Variants in PCDH9 observed in about 807,000 individuals in gnomAD.
PCDH9 encodes the protein protocadherin 9, also known as protocadherin-9.
Under a neutral mutation model 70.6 loss-of-function variants are expected in PCDH9, and 24 were observed. That is an observed-to-expected ratio of 0.34 (90% CI 0.25 to 0.48). PCDH9 has a LOEUF of 0.48. Among genes scored for constraint, PCDH9 ranks in the 20% least tolerant of loss-of-function variants. The pLI is 0.99. For synonymous variants in PCDH9, 562 were observed against 558.5 expected, an observed-to-expected ratio of 1.01 and a Z score of -0.09; for missense variants, 1,281 against 1,503.6, an observed-to-expected ratio of 0.85 and a Z score of 2.45.
intron 3 of PCDH9, among the ~76,000 whole-genome samples, chr13:66,898,174 T>C (rs530653148): frequency 1.3e-5 from 2 of 152,210 alleles, no homozygotes; most frequent in South Asian, 4.1e-4. Context: ...ATCATTTTTC[T>C]TAATTTATTG....
intron 3 of PCDH9, among the ~76,000 whole-genome samples, chr13:66,799,973 T>C (rs987452996): frequency 2.6e-5 from 4 of 152,166 alleles, no homozygotes; most frequent in African/African-American, 9.7e-5. Context: ...CTAGCTTCTC[T>C]ACCTGCTTCC....
intron 3 of PCDH9, among the ~76,000 whole-genome samples, chr13:66,733,854 TGAAA>T (rs1407726656): frequency 6.6e-6 from 1 of 152,172 alleles, no homozygotes; most frequent in Non-Finnish European, 1.5e-5. Context: ...TGAGTTCTTA[TGAAA>T]TAACAATGCA....
At chr13:66,960,616 C>A (rs553132132) in intron 2 of PCDH9, among the ~76,000 whole-genome samples, 225 of 152,240 alleles carry the variant, frequency 1.5e-3, no homozygotes, top group Admixed American at 4.1e-3. Flanking sequence ...AATAACTTTT[C>A]TTTACAAACT....
chr13:66,702,867 T>C (rs1428585379), intron 3 of PCDH9, among the ~76,000 whole-genome samples: 1 of 152,208 alleles, frequency 6.6e-6, no homozygotes, highest in Non-Finnish European at 1.5e-5. Flanking sequence ...TATGGAAGTT[T>C]TATTTGAATG....
chr13:66,641,527 C>T lies in PCDH9; in HGVS notation c.3139-10116G>A, dbSNP rs558087312. The stretch of plus-strand genomic sequence containing the variant: ...TGACAATGAGACTATTGACAAATTA[C>T]CGCATTCTCTCCTCCAGGCTCTACT... On this transcript the variant is annotated intron_variant, in intron 3 of 4. Transcript: ENST00000377865. 6.9e-4 allele frequency among the ~76,000 whole-genome samples: 105 copies of T among 152,252 alleles called. 1 individual carries two copies. Among genetic ancestry groups the T allele is most frequent in the Non-Finnish European group, 1.4e-3 (95 of 67,994 alleles).
At chr13:66,361,772 G>A (rs1482595373) in intron 4 of PCDH9, among the ~76,000 whole-genome samples, 1 of 151,974 alleles carries the variant, frequency 6.6e-6, no homozygotes, top group East Asian at 1.9e-4. Flanking sequence ...TTTTCAAAGC[G>A]GTATATGTTA....
chr13:66,933,955 A>G (rs1161877701), intron 2 of PCDH9, among the ~76,000 whole-genome samples: 1 of 151,956 alleles, frequency 6.6e-6, no homozygotes, highest in Non-Finnish European at 1.5e-5. Context: ...CTAAAAGAAG[A>G]CAAAGATCTA....
intron 2 of PCDH9, among the ~76,000 whole-genome samples, chr13:66,915,452 T>A (rs1282378178): frequency 6.6e-6 from 1 of 151,614 alleles, no homozygotes; most frequent in African/African-American, 2.4e-5. Context: ...ACATAGGTAT[T>A]TTTTTCTTAT....
intron 2 of PCDH9, among the ~76,000 whole-genome samples, chr13:67,031,424 G>A (rs889562183): frequency 6.6e-6 from 1 of 152,032 alleles, no homozygotes; most frequent in Admixed American, 6.6e-5. Flanking sequence ...AATTATACAG[G>A]CCAGGCGAGG....
intron 4 of PCDH9, among the ~76,000 whole-genome samples, chr13:66,628,589 C>A (rs2077528834): frequency 6.6e-6 from 1 of 152,202 alleles, no homozygotes; most frequent in Admixed American, 6.5e-5. Context: ...GCTGCCCAGA[C>A]TCCTGGTCTC....
At chr13:67,012,079 C>T (rs1197756060) in intron 2 of PCDH9, among the ~76,000 whole-genome samples, 4 of 151,810 alleles carry the variant, frequency 2.6e-5, no homozygotes, top group African/African-American at 4.8e-5. Flanking sequence ...TTGCTTCCTG[C>T]CTTCCTTCCT....
intron 3 of PCDH9, among the ~76,000 whole-genome samples, chr13:66,834,389 G>A (rs1594123261): frequency 3.3e-5 from 5 of 152,022 alleles, no homozygotes; most frequent in Middle Eastern, 3.4e-3. Context: ...TGATCCACCC[G>A]CCTCGGCCTC....
chr13:67,228,470 T>C lies in PCDH9; in HGVS notation c.-30A>G. On this transcript the variant is annotated 5_prime_UTR_variant, in exon 2 of 5. Transcript: ENST00000377865. ...ATGTATTTATTTTCTTTTCCTGGAT[T>C]TTAGGGTTTAAAGGTTTCCACTGAG... 1 of 1,525,636 alleles carries C rather than the reference T, an allele frequency of 6.6e-7. No homozygotes were observed. Among genetic ancestry groups the C allele is most frequent in the Non-Finnish European group, 8.8e-7 (1 of 1,138,736 alleles). 94.5% of individuals were successfully genotyped at this position (1,525,636 alleles called of 1,614,324 possible).
At chr13:66,503,957 AC>A (rs769520441) in intron 4 of PCDH9, among the ~76,000 whole-genome samples, 2 of 152,150 alleles carry the variant, frequency 1.3e-5, no homozygotes, top group Non-Finnish European at 2.9e-5. Flanking sequence ...CAGGCACAAG[AC>A]CCAGAAGTCA....
intron 2 of PCDH9, among the ~76,000 whole-genome samples, chr13:67,052,624 T>C (rs999087463): frequency 1.3e-5 from 2 of 150,580 alleles, no homozygotes; most frequent in Non-Finnish European, 1.5e-5. Context: ...AAGAAGAAGG[T>C]AGGAGGGAGG....
At chr13:66,884,827 G>A (rs938773599) in intron 3 of PCDH9, among the ~76,000 whole-genome samples, 2 of 152,002 alleles carry the variant, frequency 1.3e-5, no homozygotes, top group Non-Finnish European at 2.9e-5. Flanking sequence ...TTTTCTTTAC[G>A]ATAAATTTAG....
intron 2 of PCDH9, among the ~76,000 whole-genome samples, chr13:67,027,517 T>G (rs2084810501): frequency 6.6e-6 from 1 of 151,928 alleles, no homozygotes; most frequent in South Asian, 2.1e-4. Flanking sequence ...GGCAAGGACT[T>G]CATGTCTAAA....
chr13:67,182,756 G>A (rs1292330644), intron 2 of PCDH9, among the ~76,000 whole-genome samples: 2 of 151,986 alleles, frequency 1.3e-5, no homozygotes, highest in Non-Finnish European at 2.9e-5. Flanking sequence ...ATTCTTCCTG[G>A]AAAAATTAGG....
chr13:66,384,169 T>C (rs1358387752), intron 4 of PCDH9, among the ~76,000 whole-genome samples: 2 of 152,102 alleles, frequency 1.3e-5, no homozygotes, highest in Non-Finnish European at 2.9e-5. Context: ...ACTTTGTTGG[T>C]TTTTGGTCTT....
Sources: gnomAD v4.1 joint callset for allele counts (sites outside exome capture counted in the v4.1 genomes callset) on GRCh38, gnomAD v4.1.1 for gene constraint, MANE v1.5 for transcripts, NCBI Gene and HGNC (gene_info 2026-07-23, HGNC 2026-07-21) for gene names.